The following SMAD3 variants were observed in gnomAD, a reference collection of about 807,000 sequenced individuals.
SMAD3 encodes MAD homolog 3.
A neutral mutation model predicts 51.8 loss-of-function variants in SMAD3; 12 were observed. The ratio of observed to expected loss-of-function variants is 0.23; its 90% CI spans 0.15 to 0.38. SMAD3 has a LOEUF of 0.38. Among genes scored for constraint, SMAD3 ranks in the 10% least tolerant of loss-of-function variants. The pLI is 1.00. For synonymous variants in SMAD3, 238 were observed against 227.7 expected (o/e 1.05, Z -0.41); for missense variants, 294 against 565.6 (o/e 0.52, Z 4.87).
At chr15:67,133,197 A>C (rs538739508) in intron 1 of SMAD3, among the ~76,000 whole-genome samples, 2 of 152,258 alleles carry the variant, frequency 1.3e-5, no homozygotes, top group South Asian at 4.2e-4. Flanking sequence ...GTCTAACTTT[A>C]TGGAAGGGTG....
chr15:67,138,367 A>G (rs1961725350), intron 1 of SMAD3: 1 of 440,572 alleles, frequency 2.3e-6, no homozygotes, highest in South Asian at 2.6e-5. Context: ...CGGCCCCAGG[A>G]TGGAGCTTGC....
At chr15:67,171,992 T>G (rs752900764) in intron 5 of SMAD3, among the ~76,000 whole-genome samples, 2 of 152,230 alleles carry the variant, frequency 1.3e-5, no homozygotes, top group African/African-American at 4.8e-5. Context: ...GGTAGCACTT[T>G]TAGTCAACAG....
intron 4 of SMAD3, among the ~76,000 whole-genome samples, chr15:67,168,251 T>G (rs1486785308): frequency 6.6e-6 from 1 of 152,200 alleles, no homozygotes. Flanking sequence ...GCTGAGGTTG[T>G]GCAATTCCTG....
chr15:67,183,002 T>A (rs7171403), intron 6 of SMAD3, among the ~76,000 whole-genome samples: 686 of 52,710 alleles, frequency 0.013, 3 homozygotes, highest in African/African-American at 0.028. Flanking sequence ...AAAAAAAAAA[T>A]ATATATATAT....
At chr15:67,186,973 C>T (rs1417334583) in intron 7 of SMAD3, 1 of 440,396 alleles carries the variant, frequency 2.3e-6, no homozygotes, top group African/African-American at 2.0e-5. Context: ...CATGGGCAAC[C>T]TGGCCCAGGT....
rs79476201 is a variant in SMAD3, at chr15:67,077,534, T to A, written c.206+11174T>A. ...AGAGATATAGAGATGAAGTTGTGTCTCTGAACTGCTCAGAGGCAAAAAAGG... is the reference window on the plus strand; with the variant it reads ...AGAGATATAGAGATGAAGTTGTGTCACTGAACTGCTCAGAGGCAAAAAAGG... On this transcript the variant is annotated intron_variant, in intron 1 of 8. Transcript: ENST00000327367. Among the ~76,000 whole-genome samples, 22 of 152,306 alleles carry A rather than the reference T, an allele frequency of 1.4e-4. No homozygotes were observed. The East Asian group carries it at 4.0e-3, about 28-fold the overall frequency.
chr15:67,155,129 A>G (rs1214001415), intron 1 of SMAD3, among the ~76,000 whole-genome samples: 1 of 152,244 alleles, frequency 6.6e-6, no homozygotes, highest in Non-Finnish European at 1.5e-5. Context: ...AGGTTCCTCA[A>G]GGGTCAGCTG....
intron 1 of SMAD3, among the ~76,000 whole-genome samples, chr15:67,137,549 G>A (rs1961697461): frequency 6.6e-6 from 1 of 152,164 alleles, no homozygotes; most frequent in Admixed American, 6.5e-5. Context: ...TTTTTGGTTA[G>A]TGACTTTCAT....
intron 6 of SMAD3, 45 bp from the exon 7 acceptor site, chr15:67,184,682 G>A (rs1963172842): frequency 6.2e-7 from 1 of 1,612,414 alleles, no homozygotes; most frequent in East Asian, 2.2e-5. Context: ...GGGCCATTGT[G>A]TGTGAGCAAA....
At chr15:67,149,260 C>T (rs1340990603) in intron 1 of SMAD3, among the ~76,000 whole-genome samples, 1 of 152,162 alleles carries the variant, frequency 6.6e-6, no homozygotes, top group Non-Finnish European at 1.5e-5. Context: ...CTACTTGGGC[C>T]TGTTCAGCAT....
At chr15:67,151,980 G>A (rs1962159501) in intron 1 of SMAD3, among the ~76,000 whole-genome samples, 1 of 151,978 alleles carries the variant, frequency 6.6e-6, no homozygotes, top group Non-Finnish European at 1.5e-5. Flanking sequence ...TGTAAACTAT[G>A]TAATAATAAT....
At chr15:67,079,619 T>G (rs2140203057) in intron 1 of SMAD3, among the ~76,000 whole-genome samples, 1 of 152,296 alleles carries the variant, frequency 6.6e-6, no homozygotes, top group South Asian at 2.1e-4. Flanking sequence ...GTCAACTGCA[T>G]GCTGAGTGTA....
chr15:67,105,902 G>T (rs572012069), intron 1 of SMAD3, among the ~76,000 whole-genome samples: 2 of 152,074 alleles, frequency 1.3e-5, no homozygotes, highest in Non-Finnish European at 2.9e-5. Flanking sequence ...TTCATTCCCC[G>T]GCCCTCCCTG....
At chr15:67,117,098 C>A (rs746474576) in intron 1 of SMAD3, among the ~76,000 whole-genome samples, 7 of 152,158 alleles carry the variant, frequency 4.6e-5, no homozygotes, top group Non-Finnish European at 1.0e-4. Context: ...TCTCTGCCTC[C>A]CCTTGTGGAG....
At chr15:67,121,106 T>C (rs1216709893) in intron 1 of SMAD3, among the ~76,000 whole-genome samples, 2 of 152,256 alleles carry the variant, frequency 1.3e-5, no homozygotes, top group African/African-American at 4.8e-5. Flanking sequence ...GAATGTGTAC[T>C]TCTTAGCCTT....
chr15:67,133,487 G>A (rs958618495), intron 1 of SMAD3, among the ~76,000 whole-genome samples: 2 of 152,054 alleles, frequency 1.3e-5, no homozygotes, highest in African/African-American at 4.8e-5. Flanking sequence ...GGCAAACAAA[G>A]TATGATCCTA....
At chr15:67,084,080 T>C (rs548306989) in intron 1 of SMAD3, among the ~76,000 whole-genome samples, 4 of 128,974 alleles carry the variant, frequency 3.1e-5, no homozygotes, top group South Asian at 2.7e-4. Flanking sequence ...CTTTTTTTTT[T>C]TTTTTTTTTT....
chr15:67,193,268 C>T lies in SMAD3; in HGVS notation c.*2732C>T, dbSNP rs1193651796. On this transcript the variant is annotated 3_prime_UTR_variant, in exon 9 of 9. Coordinates refer to ENST00000327367, the MANE Select transcript of SMAD3 (RefSeq NM_005902.4). Reference sequence around the variant, plus strand: ...GGATAGCAGTTTTAAGTGGCGTTCACCTAGTCAACACGACCGCGTGTGTTG... The same window carrying T: ...GGATAGCAGTTTTAAGTGGCGTTCATCTAGTCAACACGACCGCGTGTGTTG... 1 of 233,342 alleles carries T rather than the reference C, an allele frequency of 4.3e-6. No homozygotes were observed. The highest frequency in any genetic ancestry group is 8.5e-6 in the Non-Finnish European group (1 of 118,082). 14.5% of individuals were successfully genotyped at this position (233,342 alleles called of 1,614,324 possible).
chr15:67,088,457 G>T (rs1032318444), intron 1 of SMAD3, among the ~76,000 whole-genome samples: 1 of 152,242 alleles, frequency 6.6e-6, no homozygotes, highest in African/African-American at 2.4e-5. Context: ...GGCGAGAAAA[G>T]CTGTGGGAGA....
Sources: allele counts gnomAD v4.1 joint callset (sites outside exome capture counted in the v4.1 genomes callset), GRCh38; gene constraint gnomAD v4.1.1; transcripts MANE v1.5; gene names NCBI Gene and HGNC (gene_info 2026-07-23, HGNC 2026-07-21).